Variants in IPO11 observed in about 807,000 individuals in gnomAD.
IPO11 encodes importin-11.
Under a neutral mutation model 143.2 loss-of-function variants are expected in IPO11, and 66 were observed. The ratio of observed to expected loss-of-function variants is 0.46; its 90% CI spans 0.38 to 0.57. The LOEUF (loss-of-function observed/expected upper bound fraction) is 0.57, where lower values mean the gene tolerates loss of function less well. Ranked by LOEUF, IPO11 falls within the 20% of genes least tolerant of loss-of-function variation. The probability of loss-of-function intolerance (pLI) is 0.00; values close to 1 mark genes in which losing one functional copy is unlikely to be tolerated. For missense variants in IPO11, 1,026 were observed against 1,141.0 expected (o/e 0.90, Z 1.45); for synonymous variants, 385 against 377.8 (o/e 1.02, Z -0.22).
chr5:62,519,528 C>T (rs1199890497), intron 20 of IPO11, among the ~76,000 whole-genome samples: 3 of 152,166 alleles, frequency 2.0e-5, no homozygotes, highest in African/African-American at 7.2e-5. Flanking sequence ...TCCTATTCCA[C>T]TATCCTCCCA....
intron 24 of IPO11, among the ~76,000 whole-genome samples, chr5:62,545,165 A>T (rs1743119153): frequency 6.6e-6 from 1 of 152,228 alleles, no homozygotes; most frequent in African/African-American, 2.4e-5. Flanking sequence ...AAAAGAACAA[A>T]GCTGGAGGCA....
At chr5:62,469,925 T>G (rs976664168) in intron 6 of IPO11, among the ~76,000 whole-genome samples, 3 of 152,204 alleles carry the variant, frequency 2.0e-5, no homozygotes, top group Admixed American at 6.5e-5. Context: ...GCTTAAAGTT[T>G]GTGAAATAGA....
At chr5:62,419,937 G>A (rs943212595) in intron 1 of IPO11, among the ~76,000 whole-genome samples, 1 of 152,114 alleles carries the variant, frequency 6.6e-6, no homozygotes, top group Admixed American at 6.6e-5. Context: ...AGAGTTCAAC[G>A]TTGTAGTGAA....
At chr5:62,594,929 G>A (rs183951472) in intron 28 of IPO11, among the ~76,000 whole-genome samples, 1 of 152,274 alleles carries the variant, frequency 6.6e-6, no homozygotes, top group African/African-American at 2.4e-5. Context: ...AAAGAATTGT[G>A]GTCTGTATTC....
At position 62,599,746 on chromosome 5, in the gene IPO11, G is replaced by A. The variant is rs533601353; in HGVS notation, c.2679-2018G>A. 1.2e-4 allele frequency among the ~76,000 whole-genome samples: 18 copies of A among 152,260 alleles called. No individual in the cohort carries two copies. The East Asian group carries it at 3.5e-3, about 29-fold the overall frequency. On this transcript the variant is annotated intron_variant, in intron 28 of 29. Transcript: ENST00000325324. Reference sequence around the variant, plus strand: ...ACGTTAGTCATTCCTATTTTAAACTGTTGTGTTTACTGTTTTATTAGTATA... The same window carrying A: ...ACGTTAGTCATTCCTATTTTAAACTATTGTGTTTACTGTTTTATTAGTATA...
At chr5:62,462,485 GAA>G (rs533067310) in intron 5 of IPO11, among the ~76,000 whole-genome samples, 1 of 137,824 alleles carries the variant, frequency 7.3e-6, no homozygotes. Flanking sequence ...AGCAATGCCT[GAA>G]AAAAAAAAAA....
intron 29 of IPO11, among the ~76,000 whole-genome samples, chr5:62,606,513 C>T (rs1745724319): frequency 7.7e-6 from 1 of 130,560 alleles, no homozygotes; most frequent in Non-Finnish European, 1.6e-5. Context: ...AAAAGGAGAA[C>T]CCTTATGTCT....
chr5:62,585,005 C>T (rs999181710), intron 27 of IPO11, among the ~76,000 whole-genome samples: 1 of 152,136 alleles, frequency 6.6e-6, no homozygotes, highest in African/African-American at 2.4e-5. Context: ...TTTTCTTATC[C>T]TGAATAATGT....
chr5:62,424,036 T>C (rs1743611464), intron 1 of IPO11, among the ~76,000 whole-genome samples: 1 of 152,154 alleles, frequency 6.6e-6, no homozygotes. Flanking sequence ...ATTTTTTTTC[T>C]GAGACATGGT....
At chr5:62,514,104 C>G (rs1255256534) in intron 19 of IPO11, among the ~76,000 whole-genome samples, 1 of 150,700 alleles carries the variant, frequency 6.6e-6, no homozygotes, top group African/African-American at 2.5e-5. Flanking sequence ...CCTCACTTTC[C>G]AGACTGGGCA....
At chr5:62,609,913 C>T (rs1745868503) in intron 29 of IPO11, among the ~76,000 whole-genome samples, 1 of 152,242 alleles carries the variant, frequency 6.6e-6, no homozygotes. Context: ...CTCGTAGTCA[C>T]ATGTGTAGGT....
At chr5:62,596,233 C>T (rs2112436105) in intron 28 of IPO11, among the ~76,000 whole-genome samples, 1 of 133,674 alleles carries the variant, frequency 7.5e-6, no homozygotes, top group Middle Eastern at 4.3e-3. Context: ...TGCACCACTA[C>T]ACTCCAGCTT....
intron 13 of IPO11, 70 bp downstream of exon 13, chr5:62,487,931 C>A: frequency 7.7e-7 from 1 of 1,292,420 alleles, no homozygotes; most frequent in Non-Finnish European, 1.1e-6. Flanking sequence ...GTCTGAGTGC[C>A]TACAATGCAT....
chr5:62,550,483 C>T, intron 25 of IPO11, 21 bp downstream of exon 25: 4 of 1,505,816 alleles, frequency 2.7e-6, no homozygotes, highest in Non-Finnish European at 2.8e-6. Flanking sequence ...TCTTTAAGTT[C>T]CAAAGGTAGT....
In IPO11 at chr5:62,628,240, A is replaced by G. The variant is rs1746653924; in HGVS notation, c.*922A>G. The G allele has an allele frequency of 6.6e-6, 1 of 152,542 alleles. No homozygotes were observed. The highest frequency in any genetic ancestry group is 2.1e-4 in the South Asian group (1 of 4,818). 9.4% of individuals were successfully genotyped at this position (152,542 alleles called of 1,614,324 possible). On this transcript the variant is annotated 3_prime_UTR_variant, in exon 30 of 30. Transcript: ENST00000325324. ...GGTATACCTGGGAGGATCCAGCAGT[A>G]ATCCCCAGGGTACTAGGATTACTAG...
intron 5 of IPO11, among the ~76,000 whole-genome samples, chr5:62,466,616 A>C (rs560706053): frequency 6.6e-6 from 1 of 152,324 alleles, no homozygotes; most frequent in East Asian, 1.9e-4. Flanking sequence ...CAGGTTTTTA[A>C]ATATCAGCAC....
At chr5:62,514,040 C>T (rs1187556385) in intron 19 of IPO11, among the ~76,000 whole-genome samples, 7 of 150,810 alleles carry the variant, frequency 4.6e-5, no homozygotes, top group Non-Finnish European at 8.9e-5. Context: ...GGATGGGGGC[C>T]GGGACGAGGC....
intron 1 of IPO11, among the ~76,000 whole-genome samples, chr5:62,423,311 C>A (rs185882008): frequency 6.6e-6 from 1 of 152,312 alleles, no homozygotes; most frequent in East Asian, 1.9e-4. Flanking sequence ...GTTGATCATA[C>A]ATTTACTGAA....
At chr5:62,539,723 CA>C (rs1207819080) in intron 24 of IPO11, among the ~76,000 whole-genome samples, 1 of 152,208 alleles carries the variant, frequency 6.6e-6, no homozygotes, top group Non-Finnish European at 1.5e-5. Context: ...CAAGTAACAT[CA>C]AACATGTTGC....
Sources: allele counts gnomAD v4.1 joint callset (sites outside exome capture counted in the v4.1 genomes callset), GRCh38; gene constraint gnomAD v4.1.1; transcripts MANE v1.5; gene names NCBI Gene and HGNC (gene_info 2026-07-23, HGNC 2026-07-21).